Variants in PLEKHA7 observed in about 807,000 individuals in gnomAD.
PLEKHA7 encodes pleckstrin homology domain containing A7, also known as pleckstrin homology domain-containing family A member 7.
In PLEKHA7, 104 loss-of-function variants were observed where a neutral mutation model predicts 170.0. That is an observed-to-expected ratio of 0.61 (90% CI 0.52 to 0.72). The LOEUF (loss-of-function observed/expected upper bound fraction) is 0.72. PLEKHA7 is among the 30% of genes least tolerant of loss of function. PLEKHA7 has a pLI of 0.00. For synonymous variants in PLEKHA7, 648 were observed against 660.8 expected, an observed-to-expected ratio of 0.98 and a Z score of 0.30; for missense variants, 1,615 against 1,671.7, an observed-to-expected ratio of 0.97 and a Z score of 0.59.
chr11:16,856,962 C>T (rs446518), intron 4 of PLEKHA7, among the ~76,000 whole-genome samples: 13,686 of 152,226 alleles, frequency 0.09, 758 homozygotes, highest in East Asian at 0.16. Flanking sequence ...GCTTTGGAGG[C>T]CTGGGCAAGG....
chr11:16,838,061 T>C (rs1716773549), intron 9 of PLEKHA7, among the ~76,000 whole-genome samples: 1 of 152,178 alleles, frequency 6.6e-6, no homozygotes, highest in Admixed American at 6.5e-5. Context: ...ACAAATTCCA[T>C]AGCCTATCAT....
Position 16,794,945 on chromosome 11 carries a change from T to C in PLEKHA7, c.2483A>G (p.Asn828Ser), listed in dbSNP as rs199592829. ...TACTGACTCCACTAGAATTCTGAAG[T>C]TCTCTTTATTTGCACTCAGGCCTGC... ...VTAGLSANKE[N>S]FRILVESVKN... The change falls in exon 18 of 27, where the codon AAC becomes AGC. Residue 828 changes from asparagine (N) to serine (S), a missense_variant. Physicochemically the swap from Asn to Ser is conservative, Grantham distance 46. Coordinates refer to ENST00000531066, the MANE Select transcript of PLEKHA7 (RefSeq NM_001329630.2). 2.2e-4 allele frequency: 348 copies of C among 1,613,006 alleles called. No homozygotes were observed. The highest frequency in any genetic ancestry group is 2.8e-4 in the Non-Finnish European group (333 of 1,179,504).
rs1590507988 is a variant in PLEKHA7, at chr11:16,892,709, A to C, written c.222-21527T>G. Among the ~76,000 whole-genome samples the C allele has an allele frequency of 4.8e-5, 7 of 146,368 alleles. No homozygotes were observed. In the South Asian group the frequency reaches 1.5e-3, roughly 32 times the overall value. ...TAGTCTCAAACTCCTGAGCTCACGC[A>C]ATCCACCTGCCTCAGCCTCTCAAAG... On this transcript the variant is annotated intron_variant, in intron 3 of 26. Transcript: ENST00000531066.
intron 3 of PLEKHA7, among the ~76,000 whole-genome samples, chr11:16,904,632 T>G (rs1044676815): frequency 1.3e-5 from 2 of 152,234 alleles, no homozygotes; most frequent in South Asian, 4.1e-4. Flanking sequence ...TCTCTGAATA[T>G]TACTGCTTAT....
At chr11:16,783,044 G>A in intron 25 of PLEKHA7, 148 bp from the exon 26 acceptor site, 1 of 925,826 alleles carries the variant, frequency 1.1e-6, no homozygotes, top group Non-Finnish European at 1.6e-6. Flanking sequence ...AAAGGTACAT[G>A]CTTTTCCCCA....
intron 10 of PLEKHA7, among the ~76,000 whole-genome samples, chr11:16,824,752 G>T (rs1013308135): frequency 1.2e-4 from 18 of 151,982 alleles, no homozygotes. Context: ...AAACCTTCCC[G>T]TGGTTCCCTA....
chr11:16,848,459 T>C lies in PLEKHA7; in HGVS notation c.696+2732A>G, dbSNP rs186806553. Among the ~76,000 whole-genome samples the C allele has an allele frequency of 3.5e-3, 540 of 152,346 alleles. 4 individuals carry two copies. The highest frequency in any genetic ancestry group is 0.02 in the Middle Eastern group (6 of 294). ...TAAATCCTATGAACCTTTTCCAGAA[T>C]GTTAAGCATGCAAAATAAGGGAAAT... On this transcript the variant is annotated intron_variant, in intron 8 of 26. Coordinates refer to ENST00000531066, the MANE Select transcript of PLEKHA7 (RefSeq NM_001329630.2).
intron 19 of PLEKHA7, among the ~76,000 whole-genome samples, chr11:16,792,679 A>G (rs1449554823): frequency 1.3e-5 from 2 of 152,214 alleles, no homozygotes; most frequent in Non-Finnish European, 2.9e-5. Context: ...AGCTGTTGGT[A>G]TAAAACAGGT....
At chr11:16,955,752 G>A (rs939871197) in intron 3 of PLEKHA7, among the ~76,000 whole-genome samples, 4 of 152,128 alleles carry the variant, frequency 2.6e-5, no homozygotes, top group African/African-American at 9.7e-5. Flanking sequence ...GGGGCTTGGG[G>A]GAAAATGGGA....
chr11:16,809,165 T>C (rs748597022), intron 13 of PLEKHA7, among the ~76,000 whole-genome samples: 6 of 152,134 alleles, frequency 3.9e-5, no homozygotes, highest in Non-Finnish European at 7.3e-5. Context: ...AGCACACTAA[T>C]GTAAGTGGGT....
Position 16,782,907 on chromosome 11 carries a change from G to GT in PLEKHA7, c.3651-12dup. 6.5e-7 allele frequency: 1 copy of GT among 1,535,522 alleles called. No homozygotes were observed. The highest frequency in any genetic ancestry group is 8.7e-7 in the Non-Finnish European group (1 of 1,146,396). On this transcript the variant is annotated splice_polypyrimidine_tract_variant and intron_variant, in intron 25 of 26. Transcript: ENST00000531066. ...TGTAGGTTGCACATGCTGTAGGAGG[G>GT]TCGGAAGCAGACCATGGGCCCTCCT...
At chr11:17,013,701 C>A (rs983078520) in intron 3 of PLEKHA7, among the ~76,000 whole-genome samples, 2 of 152,228 alleles carry the variant, frequency 1.3e-5, no homozygotes, top group Non-Finnish European at 2.9e-5. Context: ...GCGTGCCCAG[C>A]CCGCACACCA....
chr11:16,909,258 G>A (rs1308638045), intron 3 of PLEKHA7, among the ~76,000 whole-genome samples: 1 of 152,154 alleles, frequency 6.6e-6, no homozygotes, highest in Non-Finnish European at 1.5e-5. Context: ...TGGTGTTTGA[G>A]GTTACTGAGG....
chr11:16,882,816 C>A (rs1026348171), intron 3 of PLEKHA7, among the ~76,000 whole-genome samples: 3 of 152,034 alleles, frequency 2.0e-5, no homozygotes, highest in African/African-American at 7.3e-5. Flanking sequence ...CTGATATGGT[C>A]ATAAGTACAT....
At chr11:16,948,919 T>A (rs988364805) in intron 3 of PLEKHA7, among the ~76,000 whole-genome samples, 26 of 152,194 alleles carry the variant, frequency 1.7e-4, no homozygotes, top group African/African-American at 6.3e-4. Flanking sequence ...TCTGGCCTCC[T>A]CAGCATCATC....
Position 16,797,734 on chromosome 11 carries a change from C to T in PLEKHA7, c.2410-2716G>A, listed in dbSNP as rs1320534628. Among the ~76,000 whole-genome samples, 5 of 152,302 alleles carry T rather than the reference C, an allele frequency of 3.3e-5. No individual in the cohort carries two copies. In the East Asian group the frequency reaches 9.7e-4, roughly 29 times the overall value. ...GCATGTGTATGTAAGAGGATGACCTCTAGGGCTGAAGTCCCCAAGCTGAGT... is the reference window on the plus strand; with the variant it reads ...GCATGTGTATGTAAGAGGATGACCTTTAGGGCTGAAGTCCCCAAGCTGAGT... On this transcript the variant is annotated intron_variant, in intron 17 of 26. Coordinates refer to ENST00000531066, the MANE Select transcript of PLEKHA7 (RefSeq NM_001329630.2).
chr11:16,912,749 C>T (rs1006840622), intron 3 of PLEKHA7, among the ~76,000 whole-genome samples: 1 of 152,024 alleles, frequency 6.6e-6, no homozygotes, highest in Admixed American at 6.6e-5. Context: ...AGACTGGGTC[C>T]CCGGGAGGCT....
At chr11:16,951,910 C>CTA (rs1861429263) in intron 3 of PLEKHA7, among the ~76,000 whole-genome samples, 1 of 152,186 alleles carries the variant, frequency 6.6e-6, no homozygotes, top group Non-Finnish European at 1.5e-5. Flanking sequence ...GTTCCCATCC[C>CTA]TATGAGACAA....
chr11:16,908,474 C>G (rs1355685087), intron 3 of PLEKHA7, among the ~76,000 whole-genome samples: 9 of 151,030 alleles, frequency 6.0e-5, no homozygotes, highest in African/African-American at 2.0e-4. Context: ...GTTTCGAGCT[C>G]CCAGACTGAG....
Sources: gnomAD v4.1 joint callset for allele counts (sites outside exome capture counted in the v4.1 genomes callset) on GRCh38, gnomAD v4.1.1 for gene constraint, MANE v1.5 for transcripts, NCBI Gene and HGNC (gene_info 2026-07-23, HGNC 2026-07-21) for gene names.